PIP5K1B: variants seen among roughly 807,000 people sequenced by gnomAD.
PIP5K1B encodes phosphatidylinositol-4-phosphate 5-kinase type 1 beta.
In PIP5K1B, 42 loss-of-function variants were observed where a neutral mutation model predicts 67.0. The observed-to-expected ratio is 0.63, with a 90% CI of 0.49 to 0.81. The LOEUF (loss-of-function observed/expected upper bound fraction) is 0.81, where lower values mean the gene tolerates loss of function less well. PIP5K1B is among the 30% of genes least tolerant of loss of function. PIP5K1B has a pLI of 0.00. For missense variants in PIP5K1B, 459 were observed against 646.3 expected (o/e 0.71, Z 3.14); for synonymous variants, 214 against 231.4 (o/e 0.92, Z 0.68).
chr9:68,716,193 T>C (rs1827625727), intron 1 of PIP5K1B, among the ~76,000 whole-genome samples: 1 of 152,338 alleles, frequency 6.6e-6, no homozygotes, highest in East Asian at 1.9e-4. Context: ...GAAAGGGGGT[T>C]GTCCTGAAAA....
chr9:68,871,757 T>G (rs4745354), intron 5 of PIP5K1B, among the ~76,000 whole-genome samples: 138,822 of 152,226 alleles, frequency 0.91, 63,564 homozygotes, highest in Non-Finnish European at 0.95. Flanking sequence ...GCAAAATAAA[T>G]TTGGAAATCC....
intron 6 of PIP5K1B, among the ~76,000 whole-genome samples, chr9:68,887,257 CTT>C (rs1349220471): frequency 2.0e-5 from 3 of 152,194 alleles, no homozygotes; most frequent in African/African-American, 7.2e-5. Context: ...GGGATATAAA[CTT>C]TATGAGTGCC....
chr9:68,857,694 T>C (rs1044636198), intron 4 of PIP5K1B, among the ~76,000 whole-genome samples: 5 of 152,044 alleles, frequency 3.3e-5, no homozygotes, highest in Admixed American at 3.3e-4. Flanking sequence ...AATGAGACCC[T>C]ATCCCAACAA....
At chr9:68,977,498 G>C (rs1829684279) in intron 14 of PIP5K1B, among the ~76,000 whole-genome samples, 1 of 152,194 alleles carries the variant, frequency 6.6e-6, no homozygotes, top group Non-Finnish European at 1.5e-5. Context: ...ACTCCAGCCT[G>C]GGTGATAGAG....
At chr9:68,734,284 A>G (rs996068330) in intron 1 of PIP5K1B, among the ~76,000 whole-genome samples, 5 of 152,242 alleles carry the variant, frequency 3.3e-5, no homozygotes, top group African/African-American at 4.8e-5. Context: ...TTGAGGAAAT[A>G]CGCATGTGAG....
At chr9:68,824,814 T>C (rs1299416550) in intron 4 of PIP5K1B, among the ~76,000 whole-genome samples, 3 of 152,206 alleles carry the variant, frequency 2.0e-5, no homozygotes, top group Non-Finnish European at 4.4e-5. Context: ...GTGTTCATGG[T>C]GGACTTAGGA....
chr9:68,789,414 T>C (rs1412231020), intron 2 of PIP5K1B: 1 of 457,254 alleles, frequency 2.2e-6, no homozygotes, highest in African/African-American at 2.0e-5. Flanking sequence ...ATGTGTCCAC[T>C]ACTCAGTGAA....
chr9:68,895,617 C>G (rs1213321452), intron 8 of PIP5K1B, among the ~76,000 whole-genome samples: 1 of 115,148 alleles, frequency 8.7e-6, no homozygotes, highest in Non-Finnish European at 1.8e-5. Context: ...GAACACAGGT[C>G]TACTGTTTCT....
chr9:68,894,863 C>T (rs189710651), intron 8 of PIP5K1B, among the ~76,000 whole-genome samples: 1 of 152,148 alleles, frequency 6.6e-6, no homozygotes, highest in Admixed American at 6.5e-5. Context: ...GTTGATTTTA[C>T]TAATAAGCTA....
intron 13 of PIP5K1B, among the ~76,000 whole-genome samples, chr9:68,937,736 G>A (rs75458084): frequency 1.3e-5 from 2 of 152,098 alleles, no homozygotes; most frequent in African/African-American, 2.4e-5. Context: ...TCTCTTGTGG[G>A]CATTTAGTGC....
At chr9:68,839,631 A>G (rs1222444123) in intron 4 of PIP5K1B, among the ~76,000 whole-genome samples, 1 of 152,202 alleles carries the variant, frequency 6.6e-6, no homozygotes, top group African/African-American at 2.4e-5. Flanking sequence ...ACAGAAAATT[A>G]TCAAAATCTG....
chr9:68,802,480 T>G (rs1255610657), intron 2 of PIP5K1B, among the ~76,000 whole-genome samples: 1 of 151,868 alleles, frequency 6.6e-6, no homozygotes, highest in Non-Finnish European at 1.5e-5. Flanking sequence ...GTTATTGCCC[T>G]CAAGGGGCCA....
chr9:68,723,700 T>G (rs1426479303), intron 1 of PIP5K1B, among the ~76,000 whole-genome samples: 6 of 147,086 alleles, frequency 4.1e-5, no homozygotes, highest in Admixed American at 2.0e-4. Flanking sequence ...ATTTGGTTTT[T>G]TTTTTTTTTT....
chr9:68,996,036 C>T (rs948957125), intron 15 of PIP5K1B, among the ~76,000 whole-genome samples: 2 of 152,114 alleles, frequency 1.3e-5, no homozygotes, highest in South Asian at 2.1e-4. Context: ...TTTAAGATAG[C>T]ATTTCTCTAT....
chr9:68,789,102 A>G lies in PIP5K1B; in HGVS notation c.-85-29359A>G, dbSNP rs546824487. 3.6e-4 allele frequency: 199 copies of G among 556,238 alleles called. 1 individual carries two copies. The highest frequency in any genetic ancestry group is 1.4e-3 in the Admixed American group (62 of 45,916). The allele number at this position is 556,238 out of a possible 1,614,324, so 34.5% of individuals were successfully genotyped here. On this transcript the variant is annotated intron_variant, in intron 2 of 15. Transcript: ENST00000265382. ...ACCTGATTTATCAATAATGGCATCAATCTCTTCAATCACATCAAAATAGGC... is the reference window on the plus strand; with the variant it reads ...ACCTGATTTATCAATAATGGCATCAGTCTCTTCAATCACATCAAAATAGGC...
intron 14 of PIP5K1B, among the ~76,000 whole-genome samples, chr9:68,990,856 G>A (rs896300237): frequency 2.0e-5 from 3 of 151,812 alleles, no homozygotes; most frequent in Non-Finnish European, 4.4e-5. Flanking sequence ...TAGAGACGGG[G>A]TTTCACCATG....
intron 2 of PIP5K1B, among the ~76,000 whole-genome samples, chr9:68,768,318 GTA>G (rs1187347398): frequency 6.6e-6 from 1 of 152,182 alleles, no homozygotes; most frequent in Non-Finnish European, 1.5e-5. Context: ...TCATTCATAT[GTA>G]TGTGACACAC....
intron 4 of PIP5K1B, among the ~76,000 whole-genome samples, chr9:68,856,219 A>G (rs1054358484): frequency 6.6e-6 from 1 of 152,088 alleles, no homozygotes; most frequent in Admixed American, 6.6e-5. Context: ...CGACTAATGA[A>G]CTCATATGAT....
intron 4 of PIP5K1B, among the ~76,000 whole-genome samples, chr9:68,861,370 G>A (rs1823060788): frequency 6.6e-6 from 1 of 152,190 alleles, no homozygotes; most frequent in Non-Finnish European, 1.5e-5. Context: ...ACCGTCATCT[G>A]TTTTAGCAAG....
Sources: gnomAD v4.1 joint callset for allele counts (sites outside exome capture counted in the v4.1 genomes callset) on GRCh38, gnomAD v4.1.1 for gene constraint, MANE v1.5 for transcripts, NCBI Gene and HGNC (gene_info 2026-07-23, HGNC 2026-07-21) for gene names.